ZNF746: variants seen among roughly 807,000 people sequenced by gnomAD.
ZNF746 encodes zinc finger protein 746, also known as parkin-interacting substrate.
A neutral mutation model predicts 41.0 loss-of-function variants in ZNF746; 13 were observed. That is an observed-to-expected ratio of 0.32 (90% CI 0.21 to 0.50). The LOEUF (loss-of-function observed/expected upper bound fraction) is 0.50, where lower values mean the gene tolerates loss of function less well. ZNF746 is among the 20% of genes least tolerant of loss of function. The pLI, the probability that ZNF746 is intolerant of heterozygous loss-of-function variation, is 0.98. For synonymous variants in ZNF746, 424 were observed against 396.2 expected (o/e 1.07, Z -0.83); for missense variants, 811 against 922.9 (o/e 0.88, Z 1.57).
Position 149,472,907 on chromosome 7 carries a change from A to G in ZNF746, c.*1477T>C, listed in dbSNP as rs1217865276. The G allele has an allele frequency of 6.6e-6, 1 of 152,556 alleles. No individual in the cohort carries two copies. The highest frequency in any genetic ancestry group is 1.5e-5 in the Non-Finnish European group (1 of 68,020). 9.5% of individuals were successfully genotyped at this position (152,556 alleles called of 1,614,324 possible). A position where few individuals can be genotyped will look rare whatever the true frequency, so the allele number is the denominator to read the frequency against. ...ACAAAATATACAGTACATAGAAACA[A>G]TTTTCTTAACTAGTCTATCGCCTAA... On this transcript the variant is annotated 3_prime_UTR_variant, in exon 7 of 7. Transcript: ENST00000458143.
chr7:149,496,012 C>T (rs780190198), intron 1 of ZNF746, among the ~76,000 whole-genome samples: 1 of 152,150 alleles, frequency 6.6e-6, no homozygotes, highest in African/African-American at 2.4e-5. Context: ...ACTGTTCCTT[C>T]CCTCACCTCT....
chr7:149,474,843 ACTG>A lies in ZNF746; in HGVS notation c.1521_1523del (p.Ser508del). 1.4e-6 allele frequency: 2 copies of A among 1,417,042 alleles called. No individual in the cohort carries two copies. The highest frequency in any genetic ancestry group is 9.2e-7 in the Non-Finnish European group (1 of 1,091,740). The allele number at this position is 1,417,042 out of a possible 1,614,324, so 87.8% of individuals were successfully genotyped here. The stretch of plus-strand genomic sequence containing the variant: ...CACCGCTGCCGCCACCGCCGCCGCC[ACTG>A]CCGCTGCCGCCACCGCCTGTGCCCG... On this transcript the variant is annotated inframe_deletion, in exon 7 of 7. Coordinates refer to ENST00000458143, the MANE Select transcript of ZNF746 (RefSeq NM_001394198.1). This position sits in a 1 kb window ranked among gnomAD's most constrained non-coding sequence, Gnocchi z 6.3.
intron 5 of ZNF746, 27 bp from the exon 6 acceptor site, chr7:149,477,074 T>TG (rs1239263730): frequency 2.5e-6 from 4 of 1,603,780 alleles, no homozygotes; most frequent in Non-Finnish European, 2.6e-6. Flanking sequence ...GCAGAGCCGG[T>TG]GGGTTAGGGG....
At chr7:149,483,423 A>G (rs1182141871) in intron 4 of ZNF746, among the ~76,000 whole-genome samples, 2 of 152,104 alleles carry the variant, frequency 1.3e-5, no homozygotes, top group African/African-American at 2.4e-5. Flanking sequence ...CCTGGCCAAC[A>G]TGGTGAAACC....
intron 4 of ZNF746, chr7:149,488,602 T>C (rs945371893): frequency 1.5e-4 from 23 of 152,050 alleles, no homozygotes; most frequent in African/African-American, 5.1e-4. Flanking sequence ...CAAATAATCG[T>C]ATAAAAAGGG....
intron 6 of ZNF746, 32 bp downstream of exon 6, chr7:149,476,890 G>T: frequency 1.9e-6 from 3 of 1,613,494 alleles, no homozygotes; most frequent in Non-Finnish European, 2.5e-6. Context: ...AGGCAAGCAT[G>T]GCCCTTCCCT....
intron 6 of ZNF746, among the ~76,000 whole-genome samples, chr7:149,476,704 C>G (rs1371412426): frequency 1.3e-5 from 2 of 152,302 alleles, no homozygotes; most frequent in East Asian, 3.9e-4. Flanking sequence ...GAAAAAGCAA[C>G]AGACTGAAAC....
chr7:149,476,668 TTAGAA>T (rs1326963466), intron 6 of ZNF746, among the ~76,000 whole-genome samples: 2 of 152,094 alleles, frequency 1.3e-5, no homozygotes, highest in African/African-American at 4.8e-5. Flanking sequence ...GATAGGCTTG[TTAGAA>T]TAGACCACTT....
At chr7:149,486,954 G>A (rs1378856621) in intron 4 of ZNF746, among the ~76,000 whole-genome samples, 3 of 152,210 alleles carry the variant, frequency 2.0e-5, no homozygotes, top group Non-Finnish European at 2.9e-5. Context: ...ATGCCCCGGG[G>A]AACCTGGACT....
rs573175241 is a variant in ZNF746, at chr7:149,494,971, T to A, written c.25-468A>T. Among the ~76,000 whole-genome samples the A allele has an allele frequency of 2.0e-5, 3 of 152,034 alleles. No homozygotes were observed. In the South Asian group the frequency reaches 6.2e-4, roughly 32 times the overall value. ...TCCCCTCATGATTACACAGGAACTG[T>A]CTACTGATGATGACCCAGCAAAAAA... On this transcript the variant is annotated intron_variant, in intron 1 of 6. Coordinates refer to ENST00000458143, the MANE Select transcript of ZNF746 (RefSeq NM_001394198.1). The surrounding 1 kb of genome is among the most constrained non-coding windows in gnomAD (Gnocchi z 5.6).
At chr7:149,487,457 C>G (rs1451797098) in intron 4 of ZNF746, among the ~76,000 whole-genome samples, 1 of 152,136 alleles carries the variant, frequency 6.6e-6, no homozygotes, top group Non-Finnish European at 1.5e-5. Context: ...AGACAGGATG[C>G]TACTATCACT....
Position 149,477,667 on chromosome 7 carries a change from G to T in ZNF746, c.654C>A (p.Gly218=), listed in dbSNP as rs61746598. 3.7e-6 allele frequency: 6 copies of T among 1,613,924 alleles called. No individual in the cohort carries two copies. Among genetic ancestry groups the T allele is most frequent in the Non-Finnish European group, 4.2e-6 (5 of 1,179,936 alleles). Residue 218 remains glycine (G), a synonymous_variant, in exon 5 of 7, where the codon GGC becomes GGA. Coordinates refer to ENST00000458143, the MANE Select transcript of ZNF746 (RefSeq NM_001394198.1). ...GCTGCCCGGCTGCCCACGCCTCCACGCCCAGGGCCTGCTGCTCCTGGAGCT... is the reference window on the plus strand; with the variant it reads ...GCTGCCCGGCTGCCCACGCCTCCACTCCCAGGGCCTGCTGCTCCTGGAGCT... ...ELQLQEQQAL[G]VEAWAAGQPD... is the part of the protein sequence containing the mutation.
At chr7:149,482,653 CAG>C (rs1442043211) in intron 4 of ZNF746, among the ~76,000 whole-genome samples, 1 of 152,058 alleles carries the variant, frequency 6.6e-6, no homozygotes, top group Non-Finnish European at 1.5e-5. Context: ...TTAGTAGAGA[CAG>C]AGTTTTACCA....
intron 4 of ZNF746, among the ~76,000 whole-genome samples, chr7:149,485,103 C>G (rs1270832652): frequency 7.9e-6 from 1 of 126,234 alleles, no homozygotes; most frequent in Non-Finnish European, 1.7e-5. Flanking sequence ...CCAACAGCAA[C>G]AAACAGAAAA....
chr7:149,486,526 G>A (rs188883089), intron 4 of ZNF746, among the ~76,000 whole-genome samples: 292 of 152,198 alleles, frequency 1.9e-3, no homozygotes, highest in Middle Eastern at 0.017. Context: ...TGAAAATCAT[G>A]AAAATGAATG....
intron 4 of ZNF746, among the ~76,000 whole-genome samples, chr7:149,486,583 C>T (rs772269551): frequency 8.6e-5 from 13 of 152,006 alleles, no homozygotes; most frequent in African/African-American, 2.7e-4. Context: ...AAAAACATAA[C>T]GGCAAATGAG....
chr7:149,475,270 C>T lies in ZNF746; in HGVS notation c.1097G>A (p.Arg366Gln), dbSNP rs774686532. ...DPVLGLREPA[R>Q]PERDMGELSP... ...GAGCTCACCCATGTCCCTCTCAGGC[C>T]GGGCGGGCTCTCGCAGCCCCAGCAC... The change falls in exon 7 of 7, where the codon CGG becomes CAG. Residue 366 changes from arginine to glutamine, a missense_variant. Arg to Gln is a conservative substitution (Grantham distance 43). Coordinates refer to ENST00000458143, the MANE Select transcript of ZNF746 (RefSeq NM_001394198.1). 16 of 1,613,108 alleles carry T rather than the reference C, an allele frequency of 9.9e-6. No homozygotes were observed. The highest frequency in any genetic ancestry group is 1.6e-4 in the Middle Eastern group (1 of 6,074).
Position 149,491,783 on chromosome 7 carries a change from C to T in ZNF746, c.565+1076G>A, listed in dbSNP as rs755509370. 1.7e-4 allele frequency: 113 copies of T among 676,946 alleles called. 1 individual carries two copies. The highest frequency in any genetic ancestry group is 1.5e-3 in the Admixed American group (73 of 47,960). The allele number at this position is 676,946 out of a possible 1,614,324, so 41.9% of individuals were successfully genotyped here. On this transcript the variant is annotated intron_variant, in intron 4 of 6. Transcript: ENST00000458143. Reference sequence around the variant, plus strand: ...CCAAGGCAGGTGGGACGGTCAAGGGCGGGTCTTCTGGAGGAATCAGGGGTC... The same window carrying T: ...CCAAGGCAGGTGGGACGGTCAAGGGTGGGTCTTCTGGAGGAATCAGGGGTC...
rs564176420 is a variant in ZNF746 at position 149,487,775 on chromosome 7, T to G, written c.565+5084A>C. 4.6e-5 allele frequency: 7 copies of G among 152,274 alleles called. No individual in the cohort carries two copies. In the East Asian group the frequency reaches 1.3e-3, roughly 29 times the overall value. 9.4% of individuals were successfully genotyped at this position (152,274 alleles called of 1,614,324 possible). A position where few individuals can be genotyped will look rare whatever the true frequency, so the allele number is the denominator to read the frequency against. Reference sequence around the variant, plus strand: ...AATCTTATTCAAGCACATAGAAGCCTTCAATAAATGAGTGTTCCAATGAGT... The same window carrying G: ...AATCTTATTCAAGCACATAGAAGCCGTCAATAAATGAGTGTTCCAATGAGT... On this transcript the variant is annotated intron_variant, in intron 4 of 6. Coordinates refer to ENST00000458143, the MANE Select transcript of ZNF746 (RefSeq NM_001394198.1).
Sources: allele counts gnomAD v4.1 joint callset (sites outside exome capture counted in the v4.1 genomes callset), GRCh38; gene constraint gnomAD v4.1.1; non-coding constraint Gnocchi (gnomAD v3.1); transcripts MANE v1.5; gene names NCBI Gene and HGNC (gene_info 2026-07-23, HGNC 2026-07-21).